The following CEP192 variants were observed in gnomAD, a reference collection of about 807,000 sequenced individuals.
CEP192 encodes centrosomal protein 192.
Under a neutral mutation model 271.8 loss-of-function variants are expected in CEP192, and 151 were observed. That is an observed-to-expected ratio of 0.56 (90% CI 0.49 to 0.64). The LOEUF (loss-of-function observed/expected upper bound fraction) is 0.64, where lower values mean the gene tolerates loss of function less well. Among genes scored for constraint, CEP192 ranks in the 30% least tolerant of loss-of-function variants. The pLI is 0.00. For missense variants in CEP192, 2,910 were observed against 3,020.5 expected, an observed-to-expected ratio of 0.96 and a Z score of 0.86; for synonymous variants, 995 against 1,076.5, an observed-to-expected ratio of 0.92 and a Z score of 1.48.
chr18:13,048,329 T>C (rs935153509), intron 15 of CEP192, among the ~76,000 whole-genome samples: 1 of 152,194 alleles, frequency 6.6e-6, no homozygotes, highest in African/African-American at 2.4e-5. Context: ...CGTTAGTCAC[T>C]TAGTAGTGTT....
rs755333640 is a variant in CEP192, at chr18:13,056,552, G to T, written c.3962G>T (p.Gly1321Val). Residue 1321 changes from glycine (G) to valine (V), a missense_variant, in exon 19 of 45, where the codon GGA becomes GTA. Transcript: ENST00000506447. ...TGTCTAGGATCAAATATCGGCTCTGGATGGATGGGTACCTCTTCCCTCTGT... is the reference window on the plus strand; with the variant it reads ...TGTCTAGGATCAAATATCGGCTCTGTATGGATGGGTACCTCTTCCCTCTGT... ...GICLGSNIGS[G>V]WMGTSSLCNP... 6.2e-7 allele frequency: 1 copy of T among 1,614,190 alleles called. No homozygotes were observed. Among genetic ancestry groups the T allele is most frequent in the Admixed American group, 1.7e-5 (1 of 60,024 alleles).
intron 1 of CEP192, among the ~76,000 whole-genome samples, chr18:12,997,547 C>T (rs1447059043): frequency 6.6e-6 from 1 of 152,108 alleles, no homozygotes; most frequent in East Asian, 1.9e-4. Context: ...AGGGTCTTCA[C>T]AATGCCTGGG....
At chr18:13,087,683 C>A in intron 32 of CEP192, 37 bp downstream of exon 32, 1 of 1,088,270 alleles carries the variant, frequency 9.2e-7, no homozygotes, top group Non-Finnish European at 1.3e-6. Context: ...GGGAACCATT[C>A]AGCAGAAATA....
intron 4 of CEP192, among the ~76,000 whole-genome samples, chr18:13,009,906 T>C (rs7226616): frequency 0.71 from 107,396 of 152,156 alleles, 39,121 homozygotes; most frequent in African/African-American, 0.89. Flanking sequence ...CACTGTGGCT[T>C]ATGCCTGTAA....
chr18:13,055,643 T>C (rs1026094323), intron 18 of CEP192, 137 bp from the exon 19 acceptor site: 1 of 583,032 alleles, frequency 1.7e-6, no homozygotes, highest in African/African-American at 1.9e-5. Flanking sequence ...AAGACTACTA[T>C]TTTTGTGTAA....
intron 15 of CEP192, 149 bp downstream of exon 15, chr18:13,042,483 T>C: frequency 1.3e-6 from 1 of 791,280 alleles, no homozygotes; most frequent in South Asian, 1.9e-5. Context: ...TTTAAATTTT[T>C]CTTTTTAAGT....
At chr18:13,104,447 C>T (rs1031610195) in intron 39 of CEP192, among the ~76,000 whole-genome samples, 6 of 151,974 alleles carry the variant, frequency 3.9e-5, no homozygotes, top group Non-Finnish European at 8.8e-5. Context: ...CATAATACTA[C>T]CAAAATGTGT....
At chr18:13,085,155 T>G (rs765436645) in intron 30 of CEP192, among the ~76,000 whole-genome samples, 2 of 152,178 alleles carry the variant, frequency 1.3e-5, no homozygotes, top group Non-Finnish European at 2.9e-5. Context: ...CCAGTAATGA[T>G]GAGCTTTTTT....
chr18:13,043,990 C>A (rs2143862877), intron 15 of CEP192, among the ~76,000 whole-genome samples: 1 of 152,172 alleles, frequency 6.6e-6, no homozygotes, highest in Non-Finnish European at 1.5e-5. Flanking sequence ...AGCATTTATC[C>A]TCTGTGTTAT....
chr18:13,116,436 C>A lies in CEP192; in HGVS notation c.7349C>A (p.Pro2450Gln). ...YAPEDVYRFR[P>Q]TSVGESRTLK... ...CCAGAGGATGTGTACAGGTTCCGGC[C>A]GACTAGTGTGGGGGAATCACGGACA... The change falls in exon 43 of 45, where the codon CCG becomes CAG. Residue 2450 changes from proline (P) to glutamine (Q), a missense_variant. Transcript: ENST00000506447. 1 of 1,612,144 alleles carries A rather than the reference C, an allele frequency of 6.2e-7. No individual in the cohort carries two copies. Among genetic ancestry groups the A allele is most frequent in the South Asian group, 1.1e-5 (1 of 90,488 alleles).
chr18:13,099,511 CCTT>C lies in CEP192; in HGVS notation c.6594_6596del (p.Leu2199del). The C allele has an allele frequency of 6.2e-7, 1 of 1,600,620 alleles. No homozygotes were observed. Among genetic ancestry groups the C allele is most frequent in the Non-Finnish European group, 8.5e-7 (1 of 1,173,218 alleles). On this transcript the variant is annotated inframe_deletion, in exon 37 of 45. Transcript: ENST00000506447. ...CAAATTCTTGTGAGTCCTAATTCCT[CCTT>C]ATCCACAAAACAGTCAATGTTCCCG...
chr18:13,039,278 G>T (rs967563421), intron 13 of CEP192, among the ~76,000 whole-genome samples: 5 of 151,918 alleles, frequency 3.3e-5, no homozygotes, highest in Non-Finnish European at 5.9e-5. Context: ...ACATGGTGAA[G>T]CCCTGTCTCT....
At position 13,089,330 on chromosome 18, in the gene CEP192, T is replaced by C. The variant is rs967468175; in HGVS notation, c.5994-126T>C. 5.9e-5 allele frequency: 28 copies of C among 477,958 alleles called. 1 individual carries two copies. The highest frequency in any genetic ancestry group is 7.8e-5 in the Non-Finnish European group (21 of 267,790). The allele number at this position is 477,958 out of a possible 1,614,324, so 29.6% of individuals were successfully genotyped here. A position where few individuals can be genotyped will look rare whatever the true frequency, so the allele number is the denominator to read the frequency against. ...TTCCAAAACAGGTTTTTCTTTTAGG[T>C]GTAAGGTCTGTGTACTAATATATCA... is the stretch of plus-strand genomic sequence containing the variant. On this transcript the variant is annotated intron_variant, in intron 32 of 44. Coordinates refer to ENST00000506447, the MANE Select transcript of CEP192 (RefSeq NM_032142.4).
chr18:13,068,096 C>T lies in CEP192; in HGVS notation c.4617C>T (p.Asn1539=), dbSNP rs773961077. ...TVPIRLIINA[N]AVAWRCFTFS... ...CTGATTCTTGTATTTCTAAACAGAA[C>T]GCTGTAGCCTGGCGCTGTTTCACGT... is the stretch of plus-strand genomic sequence containing the variant. Residue 1539 remains asparagine, a splice_region_variant and synonymous_variant, in exon 23 of 45, where the codon AAC becomes AAT. Transcript: ENST00000506447. 1.7e-5 allele frequency: 27 copies of T among 1,614,032 alleles called. No individual in the cohort carries two copies. Among genetic ancestry groups the T allele is most frequent in the East Asian group, 8.9e-5 (4 of 44,902 alleles).
Position 13,075,954 on chromosome 18 carries a change from G to A in CEP192, c.5616+2769G>A, listed in dbSNP as rs540794805. ...TCTGTGTATTGTCATCTGGAGCAGT[G>A]GTTCTCAACCAGAGCTTGTGTTACC... On this transcript the variant is annotated intron_variant, in intron 30 of 44. Coordinates refer to ENST00000506447, the MANE Select transcript of CEP192 (RefSeq NM_032142.4). 5.3e-5 allele frequency among the ~76,000 whole-genome samples: 8 copies of A among 152,308 alleles called. No individual in the cohort carries two copies. The South Asian group carries it at 1.7e-3, about 32-fold the overall frequency.
At chr18:12,997,270 C>T (rs543854046) in intron 1 of CEP192, among the ~76,000 whole-genome samples, 34 of 152,098 alleles carry the variant, frequency 2.2e-4, no homozygotes, top group African/African-American at 6.8e-4. Flanking sequence ...TTAGGTGCAC[C>T]GGCCCAGTCG....
At chr18:13,013,119 G>A (rs1333145900) in intron 5 of CEP192, 94 bp downstream of exon 5, 6 of 604,408 alleles carry the variant, frequency 9.9e-6, no homozygotes, top group African/African-American at 7.7e-5. Context: ...TTAGTTAGAT[G>A]TCATCTACTT....
chr18:13,113,885 A>G (rs1045215190), intron 41 of CEP192, among the ~76,000 whole-genome samples, 180 bp downstream of exon 41: 5 of 152,180 alleles, frequency 3.3e-5, no homozygotes, highest in Non-Finnish European at 7.3e-5. Context: ...CATACAGCCC[A>G]TGAAACCCAT....
intron 3 of CEP192, 49 bp downstream of exon 3, chr18:13,001,631 C>G: frequency 6.8e-7 from 1 of 1,471,796 alleles, no homozygotes; most frequent in Non-Finnish European, 9.0e-7. Context: ...GTGGGTCTTA[C>G]GCAGTCTTGT....
Sources: allele counts gnomAD v4.1 joint callset (sites outside exome capture counted in the v4.1 genomes callset), GRCh38; gene constraint gnomAD v4.1.1; transcripts MANE v1.5; gene names NCBI Gene and HGNC (gene_info 2026-07-23, HGNC 2026-07-21).